Variants in MVB12B observed in about 807,000 individuals in gnomAD.
The protein encoded by MVB12B is ESCRT-I complex subunit MVB12B.
MVB12B carries 16 observed loss-of-function variants against 41.6 expected under a neutral mutation model. The ratio of observed to expected loss-of-function variants is 0.38; its 90% confidence interval spans 0.26 to 0.58. The LOEUF is 0.58. Among genes scored for constraint, MVB12B ranks in the 20% least tolerant of loss-of-function variants. The pLI is 0.62. For missense variants in MVB12B, 274 were observed against 380.2 expected (o/e 0.72, Z 2.32); for synonymous variants, 133 against 139.7 (o/e 0.95, Z 0.34).
chr9:126,494,350 A>ACACATCTTG (rs1833789027), intron 9 of MVB12B, among the ~76,000 whole-genome samples: 1 of 152,110 alleles, frequency 6.6e-6, no homozygotes, highest in Non-Finnish European at 1.5e-5. Context: ...CACCACCACC[A>ACACATCTTG]CACATCTTGT....
At chr9:126,489,658 G>C (rs758723274) in intron 9 of MVB12B, among the ~76,000 whole-genome samples, 2 of 152,188 alleles carry the variant, frequency 1.3e-5, no homozygotes, top group African/African-American at 2.4e-5. Flanking sequence ...CTCAAACGCC[G>C]TCACCCTGCT....
At chr9:126,372,256 A>G (rs749444718) in intron 2 of MVB12B, among the ~76,000 whole-genome samples, 29 of 152,246 alleles carry the variant, frequency 1.9e-4, no homozygotes, top group Non-Finnish European at 3.4e-4. Context: ...TTGTATGGCT[A>G]TGCCACATTT....
intron 9 of MVB12B, among the ~76,000 whole-genome samples, chr9:126,490,060 G>A (rs1221948100): frequency 6.6e-6 from 1 of 152,196 alleles, no homozygotes; most frequent in Non-Finnish European, 1.5e-5. Flanking sequence ...TAATTTCGCA[G>A]CCAGCGCCCA....
chr9:126,443,035 A>C (rs916318033), intron 7 of MVB12B, among the ~76,000 whole-genome samples: 2 of 152,218 alleles, frequency 1.3e-5, no homozygotes, highest in African/African-American at 2.4e-5. Flanking sequence ...TCTAGAAAAC[A>C]CTGGTGGCCG....
At chr9:126,329,539 G>A (rs527654111) in intron 1 of MVB12B, among the ~76,000 whole-genome samples, 1 of 152,342 alleles carries the variant, frequency 6.6e-6, no homozygotes, top group South Asian at 2.1e-4. Flanking sequence ...CAGGGCCTTG[G>A]AAGGGGTAAG....
At chr9:126,440,907 C>T (rs928152367) in intron 7 of MVB12B, among the ~76,000 whole-genome samples, 5 of 152,244 alleles carry the variant, frequency 3.3e-5, no homozygotes, top group African/African-American at 9.6e-5. Flanking sequence ...ATAACAGCTA[C>T]AGTGTCATCA....
Position 126,482,022 on chromosome 9 carries a change from C to T in MVB12B, c.813+598C>T, listed in dbSNP as rs73668027. 8.3e-3 allele frequency among the ~76,000 whole-genome samples: 1,259 copies of T among 152,398 alleles called. 14 individuals are homozygous for T. Among genetic ancestry groups the T allele is most frequent in the African/African-American group, 0.026 (1,067 of 41,598 alleles). ...CCAACCATCCACATCAGCACTCTCACGCAGGCCAGGCTCACGCCATCTTTT... is the reference window on the plus strand; with the variant it reads ...CCAACCATCCACATCAGCACTCTCATGCAGGCCAGGCTCACGCCATCTTTT... On this transcript the variant is annotated intron_variant, in intron 8 of 9. Transcript: ENST00000361171.
chr9:126,500,504 C>T (rs550022720), intron 9 of MVB12B, among the ~76,000 whole-genome samples: 3 of 152,110 alleles, frequency 2.0e-5, no homozygotes, highest in Non-Finnish European at 4.4e-5. Context: ...TCGTAGAATT[C>T]TCTAAACTGA....
At chr9:126,336,750 G>GCACA (rs1306839743) in intron 1 of MVB12B, among the ~76,000 whole-genome samples, 3 of 33,616 alleles carry the variant, frequency 8.9e-5, no homozygotes, top group Non-Finnish European at 1.3e-4. Context: ...GTTTGTGTGT[G>GCACA]CACGCACACA....
At chr9:126,458,580 C>G (rs113265083) in intron 7 of MVB12B, among the ~76,000 whole-genome samples, 3 of 152,194 alleles carry the variant, frequency 2.0e-5, no homozygotes, top group African/African-American at 7.2e-5. Flanking sequence ...GCCAGGTCTC[C>G]TGTTGGGCCT....
rs1829173678 is a variant in MVB12B, at chr9:126,333,119, C to G, written c.81+6109C>G. Among the ~76,000 whole-genome samples, 2 of 152,272 alleles carry G rather than the reference C, an allele frequency of 1.3e-5. No individual in the cohort carries two copies. The highest frequency in any genetic ancestry group is 4.1e-4 in the South Asian group (2 of 4,824). On this transcript the variant is annotated intron_variant, in intron 1 of 9. Transcript: ENST00000361171. The surrounding 1 kb of genome is among the most constrained non-coding windows in gnomAD (Gnocchi z 4.7). ...TGTTTTTTTTTGAGACAGACTCTCA[C>G]TCTGTCACCCAGGCTAGAGTGCAGT...
intron 7 of MVB12B, among the ~76,000 whole-genome samples, chr9:126,469,646 A>T (rs541981463): frequency 6.6e-6 from 1 of 152,280 alleles, no homozygotes; most frequent in East Asian, 1.9e-4. Flanking sequence ...CTTCCAGAGG[A>T]TGTGGTCGCT....
intron 7 of MVB12B, among the ~76,000 whole-genome samples, chr9:126,453,931 A>G (rs1564337228): frequency 6.6e-6 from 1 of 152,184 alleles, no homozygotes; most frequent in African/African-American, 2.4e-5. Flanking sequence ...CAACAGGGCA[A>G]AAGACAATGA....
rs867586417 is a variant in MVB12B, at chr9:126,504,912, A to T, written c.*1649A>T. 2 of 152,268 alleles carry T rather than the reference A, an allele frequency of 1.3e-5. No homozygotes were observed. The highest frequency in any genetic ancestry group is 2.4e-5 in the African/African-American group (1 of 41,422). The allele number at this position is 152,268 out of a possible 1,614,324, so 9.4% of individuals were successfully genotyped here. ...GAGGGGGCTGCCAGGCTGGCTGCCG[A>T]TGCTCCGTTCACATAAGCCAGTGTG... On this transcript the variant is annotated 3_prime_UTR_variant, in exon 10 of 10. Transcript: ENST00000361171.
At chr9:126,442,308 A>G (rs2077230410) in intron 7 of MVB12B, among the ~76,000 whole-genome samples, 1 of 152,178 alleles carries the variant, frequency 6.6e-6, no homozygotes, top group Non-Finnish European at 1.5e-5. Flanking sequence ...GGTTCTATCT[A>G]ACTTCCTCCC....
chr9:126,470,153 A>T (rs922159387), intron 7 of MVB12B, among the ~76,000 whole-genome samples: 1 of 152,216 alleles, frequency 6.6e-6, no homozygotes, highest in Non-Finnish European at 1.5e-5. Flanking sequence ...CTGCTTTCCC[A>T]TAAAAACAGG....
Position 126,478,519 on chromosome 9 carries a change from A to G in MVB12B, c.758-2850A>G, listed in dbSNP as rs1205168485. Reference sequence around the variant, plus strand: ...CCCCAGGGAGGACCTCGGGGAAGGCATGCTGCAGGAGAGGCACTCAGAAGA... The same window carrying G: ...CCCCAGGGAGGACCTCGGGGAAGGCGTGCTGCAGGAGAGGCACTCAGAAGA... On this transcript the variant is annotated intron_variant, in intron 7 of 9. Transcript: ENST00000361171. This position sits in a 1 kb window ranked among gnomAD's most constrained non-coding sequence, Gnocchi z 4.2. Among the ~76,000 whole-genome samples, 1 of 152,178 alleles carries G rather than the reference A, an allele frequency of 6.6e-6. No individual in the cohort carries two copies. The highest frequency in any genetic ancestry group is 1.5e-5 in the Non-Finnish European group (1 of 68,026).
At chr9:126,412,151 G>A (rs2119061059) in intron 6 of MVB12B, among the ~76,000 whole-genome samples, 1 of 152,284 alleles carries the variant, frequency 6.6e-6, no homozygotes, top group African/African-American at 2.4e-5. Flanking sequence ...AATGCCAGCA[G>A]GTGCAGCAAA....
intron 4 of MVB12B, among the ~76,000 whole-genome samples, chr9:126,388,964 T>C (rs1830873491): frequency 6.6e-6 from 1 of 152,266 alleles, no homozygotes; most frequent in African/African-American, 2.4e-5. Flanking sequence ...GTTTTTATAT[T>C]GATGTGCTGT....
Sources: allele counts gnomAD v4.1 joint callset (sites outside exome capture counted in the v4.1 genomes callset), GRCh38; gene constraint gnomAD v4.1.1; non-coding constraint Gnocchi (gnomAD v3.1); transcripts MANE v1.5; gene names NCBI Gene and HGNC (gene_info 2026-07-23, HGNC 2026-07-21).